Variants in SOX5 observed in about 807,000 individuals in gnomAD.
The protein encoded by SOX5 is SRY-box transcription factor 5, also known as transcription factor SOX-5.
A neutral mutation model predicts 92.0 loss-of-function variants in SOX5; 9 were observed. The observed-to-expected ratio is 0.10, with a 90% CI of 0.06 to 0.17. The LOEUF (loss-of-function observed/expected upper bound fraction) is 0.17, where lower values mean the gene tolerates loss of function less well. Ranked by LOEUF, SOX5 falls within the 10% of genes least tolerant of loss-of-function variation. The pLI is 1.00. For synonymous variants in SOX5, 344 were observed against 336.3 expected (o/e 1.02, Z -0.25); for missense variants, 642 against 944.5 (o/e 0.68, Z 4.20).
intron 4 of SOX5, among the ~76,000 whole-genome samples, chr12:24,140,844 C>T (rs1227747834): frequency 6.6e-6 from 1 of 152,036 alleles, no homozygotes; most frequent in Non-Finnish European, 1.5e-5. Context: ...ACTGAAATTG[C>T]TCAATAAAAA....
intron 8 of SOX5, among the ~76,000 whole-genome samples, chr12:23,634,262 A>G (rs1179800933): frequency 6.6e-6 from 1 of 152,168 alleles, no homozygotes; most frequent in Non-Finnish European, 1.5e-5. Flanking sequence ...TTGGAAAAGA[A>G]AGACAATAAA....
intron 3 of SOX5, among the ~76,000 whole-genome samples, chr12:23,778,890 T>A (rs1472284820): frequency 6.6e-6 from 1 of 152,148 alleles, no homozygotes; most frequent in African/African-American, 2.4e-5. Context: ...GCTAGAGTAC[T>A]GAAGGTAGAA....
At chr12:24,496,621 T>C (rs1401361154) in intron 1 of SOX5, among the ~76,000 whole-genome samples, 3 of 152,160 alleles carry the variant, frequency 2.0e-5, no homozygotes, top group Non-Finnish European at 4.4e-5. Flanking sequence ...ATTTGGCTGG[T>C]TAAAATGTTC....
chr12:23,709,302 C>T (rs2091797036), intron 6 of SOX5, among the ~76,000 whole-genome samples: 1 of 151,888 alleles, frequency 6.6e-6, no homozygotes, highest in Admixed American at 6.6e-5. Context: ...TGGGGATCTC[C>T]CTGTGCTGCC....
At chr12:23,920,947 A>T (rs993439694) in intron 1 of SOX5, among the ~76,000 whole-genome samples, 1 of 152,214 alleles carries the variant, frequency 6.6e-6, no homozygotes, top group African/African-American at 2.4e-5. Flanking sequence ...TACTATTTAC[A>T]CTATAAACTT....
intron 3 of SOX5, among the ~76,000 whole-genome samples, chr12:23,827,245 C>T (rs1232813748): frequency 6.6e-6 from 1 of 152,154 alleles, no homozygotes; most frequent in Non-Finnish European, 1.5e-5. Flanking sequence ...TCTTAACTGT[C>T]CATTTCAAAC....
intron 4 of SOX5, among the ~76,000 whole-genome samples, chr12:24,068,743 TATATACACAC>T (rs1258686496): frequency 3.6e-4 from 29 of 79,588 alleles, no homozygotes; most frequent in East Asian, 3.4e-3. Flanking sequence ...TATATATATA[TATATACACAC>T]ACACACATTA....
chr12:24,485,282 T>A (rs1379047651), intron 1 of SOX5, among the ~76,000 whole-genome samples: 1 of 152,206 alleles, frequency 6.6e-6, no homozygotes, highest in Non-Finnish European at 1.5e-5. Flanking sequence ...CTTATATAAA[T>A]AATTGCAAGA....
At chr12:24,259,656 A>G (rs1272502897) in intron 3 of SOX5, among the ~76,000 whole-genome samples, 16 of 152,250 alleles carry the variant, frequency 1.1e-4, no homozygotes, top group Admixed American at 1.0e-3. Context: ...TGAATTATTA[A>G]AAGGAAAAAC....
chr12:24,362,781 T>C (rs1955725317), intron 2 of SOX5, among the ~76,000 whole-genome samples: 1 of 150,984 alleles, frequency 6.6e-6, no homozygotes, highest in African/African-American at 2.4e-5. Context: ...ATTTAATAAT[T>C]AGCTAGATAT....
intron 1 of SOX5, among the ~76,000 whole-genome samples, chr12:23,939,424 C>T (rs1403228019): frequency 6.6e-6 from 1 of 150,530 alleles, no homozygotes; most frequent in Non-Finnish European, 1.5e-5. Context: ...GAGAATAATA[C>T]CCATTCTTTG....
intron 6 of SOX5, among the ~76,000 whole-genome samples, chr12:23,665,906 A>C (rs1209936879): frequency 6.6e-6 from 1 of 152,186 alleles, no homozygotes; most frequent in Non-Finnish European, 1.5e-5. Flanking sequence ...CCATAGAAGG[A>C]ACTGAAATCG....
chr12:23,672,692 T>C (rs2084993025), intron 6 of SOX5, among the ~76,000 whole-genome samples: 1 of 152,128 alleles, frequency 6.6e-6, no homozygotes, highest in African/African-American at 2.4e-5. Flanking sequence ...AAATATTATA[T>C]GGTCACTGAC....
chr12:24,313,292 C>T (rs986809359), intron 2 of SOX5, among the ~76,000 whole-genome samples: 1 of 152,112 alleles, frequency 6.6e-6, no homozygotes, highest in African/African-American at 2.4e-5. Flanking sequence ...CTTTGGGAGG[C>T]CAAGGCGAGA....
chr12:24,240,416 T>G (rs1965348231), intron 3 of SOX5, among the ~76,000 whole-genome samples: 1 of 152,198 alleles, frequency 6.6e-6, no homozygotes, highest in African/African-American at 2.4e-5. Context: ...AAACAACAAC[T>G]ACTTTTCCGT....
intron 4 of SOX5, among the ~76,000 whole-genome samples, chr12:23,997,772 G>T (rs184356985): frequency 2.0e-5 from 3 of 152,074 alleles, no homozygotes; most frequent in Non-Finnish European, 4.4e-5. Context: ...CCACTAAAAC[G>T]ATTTAGAGGA....
At chr12:23,747,936 T>C (rs906590900) in intron 4 of SOX5, among the ~76,000 whole-genome samples, 3 of 143,798 alleles carry the variant, frequency 2.1e-5, no homozygotes, top group Non-Finnish European at 4.5e-5. Context: ...TGCCTTCAGA[T>C]AGCTTAAATT....
chr12:24,050,084 CAAAA>C (rs10687571), intron 4 of SOX5, among the ~76,000 whole-genome samples: 49 of 74,256 alleles, frequency 6.6e-4, no homozygotes, highest in South Asian at 1.5e-3. Context: ...GGCGCAGAGG[CAAAA>C]AAAAAAAAAA....
intron 1 of SOX5, among the ~76,000 whole-genome samples, chr12:23,927,958 G>A (rs1185980739): frequency 6.6e-6 from 1 of 151,990 alleles, no homozygotes; most frequent in Admixed American, 6.6e-5. Flanking sequence ...AGATTTAGTA[G>A]CCATTAGATG....
Sources: gnomAD v4.1 joint callset for allele counts (sites outside exome capture counted in the v4.1 genomes callset) on GRCh38, gnomAD v4.1.1 for gene constraint, MANE v1.5 for transcripts, NCBI Gene and HGNC (gene_info 2026-07-23, HGNC 2026-07-21) for gene names.